The following CDON variants were observed in gnomAD, a reference collection of about 807,000 sequenced individuals.
The protein encoded by CDON is cell adhesion molecule-related/down-regulated by oncogenes.
A neutral mutation model predicts 120.9 loss-of-function variants in CDON; 73 were observed. The ratio of observed to expected loss-of-function variants is 0.60; its 90% CI spans 0.50 to 0.73. The LOEUF (loss-of-function observed/expected upper bound fraction) is 0.73. CDON is among the 30% of genes least tolerant of loss of function. The pLI is 0.00. For missense variants in CDON, 1,470 were observed against 1,587.3 expected, an observed-to-expected ratio of 0.93 and a Z score of 1.26; for synonymous variants, 566 against 573.5, an observed-to-expected ratio of 0.99 and a Z score of 0.19.
chr11:125,973,497 C>T (rs888444519), intron 18 of CDON, among the ~76,000 whole-genome samples: 1 of 152,210 alleles, frequency 6.6e-6, no homozygotes, highest in Non-Finnish European at 1.5e-5. Context: ...TGCCACTGCA[C>T]TCCAGCCTGG....
At chr11:125,987,483 G>A (rs1234818430) in intron 15 of CDON, among the ~76,000 whole-genome samples, 2 of 152,120 alleles carry the variant, frequency 1.3e-5, no homozygotes, top group African/African-American at 4.8e-5. Context: ...ATGTAAACAG[G>A]CTGGGAATTA....
At chr11:125,974,390 A>AGGGACGG (rs1946094842) in intron 18 of CDON, among the ~76,000 whole-genome samples, 1 of 46,036 alleles carries the variant, frequency 2.2e-5, no homozygotes, top group South Asian at 8.5e-4. Context: ...GGAAGGAAGG[A>AGGGACGG]AGGGAGGGAG....
At position 126,050,533 on chromosome 11, in the gene CDON, A is replaced by ACAC. The variant is rs1555140419; in HGVS notation, c.-62+12045_-62+12046insGTG. 3.8e-5 allele frequency among the ~76,000 whole-genome samples: 5 copies of ACAC among 132,330 alleles called. No homozygotes were observed. In the East Asian group the frequency reaches 7.1e-4, roughly 19 times the overall value. 86.8% of individuals were successfully genotyped at this position (132,330 alleles called of 152,430 possible). A position where few individuals can be genotyped will look rare whatever the true frequency, so the allele number is the denominator to read the frequency against. Reference sequence around the variant, plus strand: ...ACACACACACACACACACACACACAAACAAAAAAAAGTCTGTAAAATACTC... The same window carrying ACAC: ...ACACACACACACACACACACACACAACACACAAAAAAAAGTCTGTAAAATACTC... On this transcript the variant is annotated intron_variant, in intron 1 of 19. Transcript: ENST00000531738.
intron 18 of CDON, among the ~76,000 whole-genome samples, chr11:125,969,363 A>G (rs1398209191): frequency 6.6e-6 from 1 of 152,274 alleles, no homozygotes; most frequent in Non-Finnish European, 1.5e-5. Context: ...GATGATCACA[A>G]AAATCATATC....
At position 125,957,171 on chromosome 11, in the gene CDON, G is replaced by A. The variant is rs1364301166; in HGVS notation, c.*3771C>T. On this transcript the variant is annotated 3_prime_UTR_variant, in exon 20 of 20. Coordinates refer to ENST00000531738, the MANE Select transcript of CDON (RefSeq NM_001378964.1). Reference sequence around the variant, plus strand: ...TCCTACCCACCTCCCTTCCCTCCAAGGAAACGCAAAGTTGCCCCGAGGAGG... The same window carrying A: ...TCCTACCCACCTCCCTTCCCTCCAAAGAAACGCAAAGTTGCCCCGAGGAGG... 1 of 152,294 alleles carries A rather than the reference G, an allele frequency of 6.6e-6. No homozygotes were observed. Among genetic ancestry groups the A allele is most frequent in the Non-Finnish European group, 1.5e-5 (1 of 68,182 alleles). The allele number at this position is 152,294 out of a possible 1,614,324, so 9.4% of individuals were successfully genotyped here.
At chr11:126,049,535 G>A (rs1948502214) in intron 1 of CDON, among the ~76,000 whole-genome samples, 1 of 152,182 alleles carries the variant, frequency 6.6e-6, no homozygotes, top group Non-Finnish European at 1.5e-5. Flanking sequence ...GTCATCAGAA[G>A]TCATCAAAGT....
rs1428881983 is a variant in CDON at position 126,021,310 on chromosome 11, T to C, written c.287A>G (p.Gln96Arg). The change falls in exon 3 of 20, where the codon CAG becomes CGG. Residue 96 changes from glutamine (Q) to arginine (R), a missense_variant. Physicochemically the swap from Gln to Arg is conservative, Grantham distance 43 (BLOSUM62 1). Coordinates refer to ENST00000531738, the MANE Select transcript of CDON (RefSeq NM_001378964.1). ...ACCGATGCTATTGTTGGCAAGGCAC[T>C]GGTAGTAACCCAAAAGAGAGGAGTT... ...SLNSSLLGYY[Q>R]CLANNSIGAI... The C allele has an allele frequency of 6.2e-7, 1 of 1,614,156 alleles. No homozygotes were observed. The highest frequency in any genetic ancestry group is 1.3e-5 in the African/African-American group (1 of 75,062).
At chr11:125,963,038 A>T (rs1945689845) in intron 18 of CDON, among the ~76,000 whole-genome samples, 1 of 151,444 alleles carries the variant, frequency 6.6e-6, no homozygotes, top group Non-Finnish European at 1.5e-5. Flanking sequence ...TTTCCTTTTA[A>T]TTTTCTGGCT....
At chr11:126,030,569 T>G (rs755143568) in intron 1 of CDON, among the ~76,000 whole-genome samples, 1 of 152,254 alleles carries the variant, frequency 6.6e-6, no homozygotes. Flanking sequence ...TCTTATTCTG[T>G]ATGAAACATG....
intron 1 of CDON, among the ~76,000 whole-genome samples, chr11:126,055,374 A>G (rs966539000): frequency 6.6e-6 from 1 of 152,222 alleles, no homozygotes; most frequent in African/African-American, 2.4e-5. Flanking sequence ...ATAAAACAGT[A>G]AAAATTCAAT....
chr11:126,061,497 CAAT>C (rs1270936614), intron 1 of CDON, among the ~76,000 whole-genome samples: 24 of 152,178 alleles, frequency 1.6e-4, no homozygotes, highest in Non-Finnish European at 2.9e-5. Context: ...ATTATGCTGA[CAAT>C]AAACTCATTT....
chr11:125,991,844 A>C (rs1946639990), intron 14 of CDON, among the ~76,000 whole-genome samples: 1 of 152,182 alleles, frequency 6.6e-6, no homozygotes. Flanking sequence ...TACATTTATA[A>C]ACAAGTGCTC....
At position 126,018,366 on chromosome 11, in the gene CDON, T is replaced by G. The variant is rs1455091916; in HGVS notation, c.604A>C (p.Lys202Gln). ...AAYNPVTHQLKVEPIGRKLLV... is the reference protein window; with the variant it reads ...AAYNPVTHQLQVEPIGRKLLV... ...AGCTTTCGGCCAATAGGTTCAACTT[T>G]TAATTGATGTGTGACAGGATTATAA... The change falls in exon 5 of 20, where the codon AAA becomes CAA. Residue 202 changes from lysine (K) to glutamine (Q), a missense_variant. Coordinates refer to ENST00000531738, the MANE Select transcript of CDON (RefSeq NM_001378964.1). 6.2e-7 allele frequency: 1 copy of G among 1,613,994 alleles called. No individual in the cohort carries two copies. Among genetic ancestry groups the G allele is most frequent in the African/African-American group, 1.3e-5 (1 of 74,932 alleles).
At chr11:125,992,733 CAGT>C (rs1210918327) in intron 14 of CDON, among the ~76,000 whole-genome samples, 1 of 152,102 alleles carries the variant, frequency 6.6e-6, no homozygotes, top group Non-Finnish European at 1.5e-5. Context: ...AGGACTGCTA[CAGT>C]ATTTTAAGAA....
chr11:126,010,030 A>G (rs1297313257), intron 8 of CDON, among the ~76,000 whole-genome samples: 1 of 152,220 alleles, frequency 6.6e-6, no homozygotes, highest in Non-Finnish European at 1.5e-5. Context: ...AAATGTCTGC[A>G]ATATCATTTT....
At chr11:125,975,713 G>A (rs1447143490) in intron 18 of CDON, among the ~76,000 whole-genome samples, 1 of 152,172 alleles carries the variant, frequency 6.6e-6, no homozygotes, top group Non-Finnish European at 1.5e-5. Context: ...TGGGAGTAGA[G>A]CCTAGTAATG....
chr11:126,010,934 A>G, intron 7 of CDON: 1 of 559,662 alleles, frequency 1.8e-6, no homozygotes, highest in Non-Finnish European at 3.4e-6. Flanking sequence ...GAAAGAAAGG[A>G]ATATATATAA....
At chr11:126,019,083 T>C (rs560202834) in intron 4 of CDON, among the ~76,000 whole-genome samples, 1 of 152,292 alleles carries the variant, frequency 6.6e-6, no homozygotes, top group South Asian at 2.1e-4. Context: ...ACTGGTCACA[T>C]GGTGTTCCTG....
intron 15 of CDON, among the ~76,000 whole-genome samples, chr11:125,985,401 TC>T (rs1353492358): frequency 6.6e-6 from 1 of 152,194 alleles, no homozygotes; most frequent in Non-Finnish European, 1.5e-5. Flanking sequence ...GGTCTCAAAC[TC>T]CTGATGACCT....
Sources: allele counts gnomAD v4.1 joint callset (sites outside exome capture counted in the v4.1 genomes callset), GRCh38; gene constraint gnomAD v4.1.1; transcripts MANE v1.5; gene names NCBI Gene and HGNC (gene_info 2026-07-23, HGNC 2026-07-21).